PITX1: variants seen among roughly 807,000 people sequenced by gnomAD.
The protein encoded by PITX1 is paired like homeodomain 1.
PITX1 carries 5 observed loss-of-function variants against 24.1 expected under a neutral mutation model. The observed-to-expected ratio is 0.21, with a 90% CI of 0.11 to 0.44. The LOEUF (loss-of-function observed/expected upper bound fraction) is 0.44. Among genes scored for constraint, PITX1 ranks in the 20% least tolerant of loss-of-function variants. The pLI, the probability that PITX1 is intolerant of heterozygous loss-of-function variation, is 0.99. For missense variants in PITX1, 401 were observed against 455.4 expected, an observed-to-expected ratio of 0.88 and a Z score of 1.09; for synonymous variants, 213 against 208.9, an observed-to-expected ratio of 1.02 and a Z score of -0.17.
In PITX1 at chr5:135,033,533, G is replaced by C; in HGVS notation, c.169+180C>G. 1 of 651,348 alleles carries C rather than the reference G, an allele frequency of 1.5e-6. No homozygotes were observed. 40.3% of individuals were successfully genotyped at this position (651,348 alleles called of 1,614,324 possible). A position where few individuals can be genotyped will look rare whatever the true frequency, so the allele number is the denominator to read the frequency against. On this transcript the variant is annotated intron_variant, in intron 1 of 2. Transcript: ENST00000265340. The surrounding 1 kb of genome is among the most constrained non-coding windows in gnomAD (Gnocchi z 5.9). ...GTGGGGACCGCGTGGAAGTGCCTTC[G>C]CGTGTGCGTAAGTTTCCGCGTTCAC...
intron 2 of PITX1, 56 bp from the exon 3 acceptor site, chr5:135,029,377 C>T (rs1752410461): frequency 7.0e-7 from 1 of 1,431,932 alleles, no homozygotes; most frequent in South Asian, 1.4e-5. Flanking sequence ...AGGGACCCCA[C>T]CCCCTTCCCC....
In PITX1 at chr5:135,033,656, C is replaced by G; in HGVS notation, c.169+57G>C. On this transcript the variant is annotated intron_variant, in intron 1 of 2. Transcript: ENST00000265340. The surrounding 1 kb of genome is among the most constrained non-coding windows in gnomAD (Gnocchi z 5.9). ...CGGGCGTCAGGCCCTGCTCCCAGCT[C>G]CCCGTGCTCCGCGCCCGGGTAGGCT... 6.4e-7 allele frequency: 1 copy of G among 1,554,162 alleles called. No homozygotes were observed. The highest frequency in any genetic ancestry group is 8.7e-7 in the Non-Finnish European group (1 of 1,148,294).
chr5:135,028,910 T>C lies in PITX1; in HGVS notation c.814A>G (p.Ser272Gly), dbSNP rs528345689. ...CPYGTPASPY[S>G]VYRDTCNSSL... ...GAGTTGCACGTGTCCCGGTAGACGC[T>C]GTAGGGCGAGGCGGGAGTGCCGTAC... Residue 272 changes from serine (S) to glycine (G), a missense_variant, in exon 3 of 3, where the codon AGC (serine) becomes GGC (glycine). By Grantham distance (56) the Ser-to-Gly change is moderately conservative. Around this residue, in one of 3 missense-constraint regions of PITX1, gnomAD observed 217 missense variants for 219.8 expected, o/e 0.99. Coordinates refer to ENST00000265340, the MANE Select transcript of PITX1 (RefSeq NM_002653.5). 211 of 1,613,852 alleles carry C rather than the reference T, an allele frequency of 1.3e-4. 4 individuals are homozygous for C. In the South Asian group the frequency reaches 2.1e-3, roughly 16 times the overall value.
In PITX1 at chr5:135,033,936, G is replaced by A. The variant is rs533262690; in HGVS notation, c.-55C>T. 7 of 1,150,918 alleles carry A rather than the reference G, an allele frequency of 6.1e-6. No individual in the cohort carries two copies. Among genetic ancestry groups the A allele is most frequent in the Non-Finnish European group, 7.8e-6 (7 of 899,918 alleles). 71.3% of individuals were successfully genotyped at this position (1,150,918 alleles called of 1,614,324 possible). On this transcript the variant is annotated 5_prime_UTR_variant, in exon 1 of 3. Coordinates refer to ENST00000265340, the MANE Select transcript of PITX1 (RefSeq NM_002653.5). The surrounding 1 kb of genome is among the most constrained non-coding windows in gnomAD (Gnocchi z 5.9). ...GGGCCGGGGCTGGGCGCGCCCCGCC[G>A]CCCTGGCTGCGACCTGCGGGGACAA...
chr5:135,028,932 G>T lies in PITX1; in HGVS notation c.792C>A (p.Tyr264Ter). The T allele has an allele frequency of 3.7e-6, 6 of 1,613,952 alleles. No homozygotes were observed. Among genetic ancestry groups the T allele is most frequent in the Non-Finnish European group, 4.2e-6 (5 of 1,179,964 alleles). ...NSAMSPGACPYGTPASPYSVY... is the reference protein window; with the variant it reads ...NSAMSPGACP ...CGCTGTAGGGCGAGGCGGGAGTGCC[G>T]TACGGGCAAGCGCCCGGCGACATGG... Residue 264 changes from tyrosine (Y) to a stop codon, truncating the protein, a stop_gained, in exon 3 of 3, where the codon TAC becomes TAA. Transcript: ENST00000265340. LOFTEE classifies it high-confidence loss of function.
intron 1 of PITX1, 144 bp from the exon 2 acceptor site, chr5:135,031,652 G>A: frequency 1.5e-6 from 1 of 672,512 alleles, no homozygotes; most frequent in Non-Finnish European, 2.5e-6. Flanking sequence ...GTCCCCACTG[G>A]AAAGCGCCCG....
rs974542823 is a variant in PITX1, at chr5:135,033,672, C to G, written c.169+41G>C. On this transcript the variant is annotated intron_variant, in intron 1 of 2. Transcript: ENST00000265340. This position sits in a 1 kb window ranked among gnomAD's most constrained non-coding sequence, Gnocchi z 5.9. ...CTCCCAGCTCCCCGTGCTCCGCGCC[C>G]GGGTAGGCTCTGTGCGCGCCGCGCG... 2 of 1,584,674 alleles carry G rather than the reference C, an allele frequency of 1.3e-6. No individual in the cohort carries two copies. The highest frequency in any genetic ancestry group is 1.7e-6 in the Non-Finnish European group (2 of 1,171,994).
At chr5:135,034,438 T>G, upstream of PITX1, 3 of 91,434 alleles carry the variant, frequency 3.3e-5, no homozygotes, top group Non-Finnish European at 4.5e-5. Flanking sequence ...CGCAGCCACC[T>G]TCCCGCCGCC....
chr5:135,029,449 T>C, intron 2 of PITX1, 128 bp from the exon 3 acceptor site: 3 of 704,570 alleles, frequency 4.3e-6, no homozygotes, highest in South Asian at 1.9e-5. Flanking sequence ...CTTCGACCGA[T>C]ATTTCCGCTC....
At position 135,033,986 on chromosome 5, in the gene PITX1, C is replaced by T. The variant is rs1390105294; in HGVS notation, c.-105G>A. On this transcript the variant is annotated 5_prime_UTR_variant, in exon 1 of 3. Transcript: ENST00000265340. The surrounding 1 kb of genome is among the most constrained non-coding windows in gnomAD (Gnocchi z 5.9). ...AGAGCGCAGCGCCTAAGCGGCTGCC[C>T]TCCAGGGCTGCCGGCGCCTGCAGCG... 5.7e-6 allele frequency: 4 copies of T among 696,608 alleles called. No homozygotes were observed. Among genetic ancestry groups the T allele is most frequent in the South Asian group, 6.6e-5 (1 of 15,168 alleles). 43.2% of individuals were successfully genotyped at this position (696,608 alleles called of 1,614,324 possible).
At chr5:135,031,141 C>T (rs1293070698) in intron 2 of PITX1, 135 bp downstream of exon 2, 2 of 716,656 alleles carry the variant, frequency 2.8e-6, no homozygotes, top group African/African-American at 1.8e-5. Flanking sequence ...TGGGGATCTC[C>T]GGTGGAGGGA....
rs776206097 is a variant in PITX1, at chr5:135,033,142, G to T, written c.169+571C>A. 3 of 336,174 alleles carry T rather than the reference G, an allele frequency of 8.9e-6. No homozygotes were observed. The highest frequency in any genetic ancestry group is 6.5e-5 in the South Asian group (3 of 46,354). The allele number at this position is 336,174 out of a possible 1,614,324, so 20.8% of individuals were successfully genotyped here. A position where few individuals can be genotyped will look rare whatever the true frequency, so the allele number is the denominator to read the frequency against. On this transcript the variant is annotated intron_variant, in intron 1 of 2. Transcript: ENST00000265340. This position sits in a 1 kb window ranked among gnomAD's most constrained non-coding sequence, Gnocchi z 5.9. ...GCCGGATCCCTTGATCGGCGTTCCG[G>T]CTGGCCTTGCTGGGAGTCCGGCCGC... is the stretch of plus-strand genomic sequence containing the variant.
chr5:135,029,509 TTC>T (rs1752413443), intron 2 of PITX1, among the ~76,000 whole-genome samples, 188 bp from the exon 3 acceptor site: 1 of 152,256 alleles, frequency 6.6e-6, no homozygotes, highest in African/African-American at 2.4e-5. Context: ...AAATACTAAT[TTC>T]TTTTTCCGAT....
chr5:135,028,072 C>G lies in PITX1; in HGVS notation c.*707G>C, dbSNP rs529755600. The G allele has an allele frequency of 1.3e-5, 2 of 152,592 alleles. No individual in the cohort carries two copies. Among genetic ancestry groups the G allele is most frequent in the African/African-American group, 4.8e-5 (2 of 41,594 alleles). The allele number at this position is 152,592 out of a possible 1,614,324, so 9.5% of individuals were successfully genotyped here. A position where few individuals can be genotyped will look rare whatever the true frequency, so the allele number is the denominator to read the frequency against. ...CCTCCCGCCAGGCCCGCACTGCCCG[C>G]TGTCGCTCCGTGGCCTTAATATAGG... On this transcript the variant is annotated 3_prime_UTR_variant, in exon 3 of 3. Transcript: ENST00000265340.
At chr5:135,029,347 C>G in intron 2 of PITX1, 26 bp from the exon 3 acceptor site, 1 of 1,556,250 alleles carries the variant, frequency 6.4e-7, no homozygotes. Context: ...GGAGAAGGGT[C>G]AGGGCCGCTG....
intron 1 of PITX1, 187 bp from the exon 2 acceptor site, chr5:135,031,695 C>T (rs1752453524): frequency 3.3e-6 from 2 of 604,436 alleles, no homozygotes; most frequent in African/African-American, 3.7e-5. Flanking sequence ...CACCTCTAGT[C>T]TGGTGTGCCG....
chr5:135,033,113 G>C lies in PITX1; in HGVS notation c.169+600C>G. 2 of 382,826 alleles carry C rather than the reference G, an allele frequency of 5.2e-6. No homozygotes were observed. The highest frequency in any genetic ancestry group is 1.8e-5 in the South Asian group (1 of 55,552). 23.7% of individuals were successfully genotyped at this position (382,826 alleles called of 1,614,324 possible). On this transcript the variant is annotated intron_variant, in intron 1 of 2. Coordinates refer to ENST00000265340, the MANE Select transcript of PITX1 (RefSeq NM_002653.5). The surrounding 1 kb of genome is among the most constrained non-coding windows in gnomAD (Gnocchi z 5.9). Reference sequence around the variant, plus strand: ...GCTGCTCCGGGCTTCGGCCGCGCACGTGGGCCGGATCCCTTGATCGGCGTT... The same window carrying C: ...GCTGCTCCGGGCTTCGGCCGCGCACCTGGGCCGGATCCCTTGATCGGCGTT...
rs1752502751 is a variant in PITX1, at chr5:135,033,560, G to A, written c.169+153C>T. 2 of 783,914 alleles carry A rather than the reference G, an allele frequency of 2.6e-6. No individual in the cohort carries two copies. The highest frequency in any genetic ancestry group is 2.0e-6 in the Non-Finnish European group (1 of 497,050). 48.6% of individuals were successfully genotyped at this position (783,914 alleles called of 1,614,324 possible). A position where few individuals can be genotyped will look rare whatever the true frequency, so the allele number is the denominator to read the frequency against. Reference sequence around the variant, plus strand: ...GTGTGCGTAAGTTTCCGCGTTCACCGTCAGGTCGAGAACGGGAAAAAGAAA... The same window carrying A: ...GTGTGCGTAAGTTTCCGCGTTCACCATCAGGTCGAGAACGGGAAAAAGAAA... On this transcript the variant is annotated intron_variant, in intron 1 of 2. Coordinates refer to ENST00000265340, the MANE Select transcript of PITX1 (RefSeq NM_002653.5). The surrounding 1 kb of genome is among the most constrained non-coding windows in gnomAD (Gnocchi z 5.9).
intron 1 of PITX1, 25 bp from the exon 2 acceptor site, chr5:135,031,533 G>C (rs772690937): frequency 3.8e-6 from 6 of 1,577,872 alleles, no homozygotes; most frequent in Non-Finnish European, 5.2e-6. Flanking sequence ...ACGGGGAGCG[G>C]GTCACCTGGG....
Sources: allele counts gnomAD v4.1 joint callset (sites outside exome capture counted in the v4.1 genomes callset), GRCh38; gene constraint gnomAD v4.1.1; regional missense constraint gnomAD v4.1.1; non-coding constraint Gnocchi (gnomAD v3.1); transcripts MANE v1.5; gene names NCBI Gene and HGNC (gene_info 2026-07-23, HGNC 2026-07-21).